The following PRKG1 variants were observed in gnomAD, a reference collection of about 807,000 sequenced individuals.
PRKG1 encodes the protein protein kinase cGMP-dependent 1.
A neutral mutation model predicts 88.1 loss-of-function variants in PRKG1; 35 were observed. That is an observed-to-expected ratio of 0.40 (90% CI 0.30 to 0.53). The LOEUF is 0.53. Among genes scored for constraint, PRKG1 ranks in the 20% least tolerant of loss-of-function variants. PRKG1 has a pLI of 0.59. For synonymous variants in PRKG1, 303 were observed against 292.5 expected (o/e 1.04, Z -0.37); for missense variants, 540 against 839.8 (o/e 0.64, Z 4.41).
chr10:51,930,529 C>T (rs1258118994), intron 5 of PRKG1, among the ~76,000 whole-genome samples: 11 of 116,118 alleles, frequency 9.5e-5, no homozygotes, highest in Admixed American at 4.6e-4. Flanking sequence ...GACAGAGTCT[C>T]GTTCAGGTTA....
At chr10:52,001,165 C>T (rs922174827) in intron 5 of PRKG1, among the ~76,000 whole-genome samples, 6 of 151,992 alleles carry the variant, frequency 3.9e-5, no homozygotes, top group Middle Eastern at 3.4e-3. Context: ...CATGTTTTTA[C>T]AAATGACAGG....
chr10:51,222,032 G>A (rs985752729), intron 2 of PRKG1, among the ~76,000 whole-genome samples: 2 of 151,580 alleles, frequency 1.3e-5, no homozygotes, highest in South Asian at 2.1e-4. Context: ...CCACCACCAC[G>A]CCTGGCTAAT....
At chr10:51,531,710 T>A (rs1842021826) in intron 3 of PRKG1, among the ~76,000 whole-genome samples, 1 of 125,794 alleles carries the variant, frequency 7.9e-6, no homozygotes, top group African/African-American at 3.0e-5. Flanking sequence ...AATGGCACAA[T>A]CTCAGCTCAC....
intron 5 of PRKG1, among the ~76,000 whole-genome samples, chr10:51,930,518 A>C (rs1198545156): frequency 1.7e-5 from 1 of 60,530 alleles, no homozygotes; most frequent in Admixed American, 2.4e-4. Flanking sequence ...TTTTTTTTTG[A>C]GACAGAGTCT....
At chr10:52,090,595 A>G (rs1254288528) in intron 7 of PRKG1, among the ~76,000 whole-genome samples, 1 of 152,192 alleles carries the variant, frequency 6.6e-6, no homozygotes, top group Non-Finnish European at 1.5e-5. Context: ...AATGAGTTCA[A>G]ACTTTAAGGT....
At chr10:51,529,612 C>G (rs1245360266) in intron 3 of PRKG1, among the ~76,000 whole-genome samples, 1 of 152,136 alleles carries the variant, frequency 6.6e-6, no homozygotes, top group Non-Finnish European at 1.5e-5. Context: ...CCACTTAGCA[C>G]TCAGGTTTCT....
intron 2 of PRKG1, among the ~76,000 whole-genome samples, chr10:51,199,002 A>G (rs545637626): frequency 6.6e-6 from 1 of 152,346 alleles, no homozygotes; most frequent in African/African-American, 2.4e-5. Context: ...CATCTTTGAT[A>G]AGAAGTGATA....
At chr10:51,035,572 G>A (rs2132751435) in intron 1 of PRKG1, among the ~76,000 whole-genome samples, 1 of 152,228 alleles carries the variant, frequency 6.6e-6, no homozygotes, top group Non-Finnish European at 1.5e-5. Context: ...CCTGCTCAAG[G>A]ACACAGAGCG....
chr10:51,160,710 G>C (rs1846336176), intron 2 of PRKG1, among the ~76,000 whole-genome samples: 1 of 152,164 alleles, frequency 6.6e-6, no homozygotes, highest in Non-Finnish European at 1.5e-5. Context: ...TTTCTTCCAT[G>C]AAAAGTCTGT....
intron 2 of PRKG1, among the ~76,000 whole-genome samples, chr10:51,310,520 G>A (rs1450471808): frequency 6.6e-6 from 1 of 152,210 alleles, no homozygotes; most frequent in African/African-American, 2.4e-5. Flanking sequence ...GATTCAGGAA[G>A]AGTTCATGGA....
At chr10:51,897,563 A>G (rs932707680) in intron 4 of PRKG1, among the ~76,000 whole-genome samples, 3 of 152,162 alleles carry the variant, frequency 2.0e-5, no homozygotes, top group Admixed American at 1.3e-4. Context: ...CAAACCCTTT[A>G]TTACTAACTT....
chr10:51,552,876 G>A (rs1252100575), intron 3 of PRKG1, among the ~76,000 whole-genome samples: 1 of 151,466 alleles, frequency 6.6e-6, no homozygotes. Flanking sequence ...CTGTCAGCAG[G>A]CAGACTATAG....
At chr10:52,241,448 G>C (rs1480939158) in intron 9 of PRKG1, among the ~76,000 whole-genome samples, 3 of 152,156 alleles carry the variant, frequency 2.0e-5, no homozygotes, top group Non-Finnish European at 4.4e-5. Flanking sequence ...GCACAAGTTG[G>C]CCTGGGGCTA....
intron 4 of PRKG1, among the ~76,000 whole-genome samples, chr10:51,842,810 G>T (rs189822794): frequency 1.3e-5 from 2 of 151,944 alleles, no homozygotes; most frequent in Non-Finnish European, 2.9e-5. Context: ...TATTATAAAA[G>T]AAATTATGCC....
rs1589463777 is a variant in PRKG1, at chr10:51,966,030, T to A, written c.762+58460T>A. ...TTATATAGTTATGCACCAAGAATAATTATTCTAATTATGTGATTTTTAGTA... is the reference window on the plus strand; with the variant it reads ...TTATATAGTTATGCACCAAGAATAAATATTCTAATTATGTGATTTTTAGTA... On this transcript the variant is annotated intron_variant, in intron 5 of 17. Transcript: ENST00000373980. 2.0e-5 allele frequency among the ~76,000 whole-genome samples: 3 copies of A among 152,260 alleles called. No individual in the cohort carries two copies. The Middle Eastern group carries it at 0.01, about 518-fold the overall frequency.
chr10:52,008,731 C>G (rs562232783), intron 5 of PRKG1, among the ~76,000 whole-genome samples: 1 of 151,978 alleles, frequency 6.6e-6, no homozygotes, highest in African/African-American at 2.4e-5. Context: ...AGTTTCCTCC[C>G]CAGTTTTTTG....
At chr10:51,493,810 A>G (rs1187763206) in intron 3 of PRKG1, among the ~76,000 whole-genome samples, 3 of 152,172 alleles carry the variant, frequency 2.0e-5, no homozygotes, top group Middle Eastern at 3.2e-3. Context: ...TAGAGAATAT[A>G]TCATCATTTG....
intron 3 of PRKG1, among the ~76,000 whole-genome samples, chr10:51,536,173 T>C (rs944063416): frequency 1.2e-4 from 18 of 152,186 alleles, no homozygotes; most frequent in African/African-American, 4.1e-4. Context: ...AAAACAGAAG[T>C]TGATGAAGTT....
At chr10:51,130,418 A>C (rs537564358) in intron 1 of PRKG1, among the ~76,000 whole-genome samples, 4 of 152,266 alleles carry the variant, frequency 2.6e-5, no homozygotes, top group Non-Finnish European at 5.9e-5. Context: ...GCATGACATA[A>C]ACAGTCTAGT....
Sources: allele counts gnomAD v4.1 joint callset (sites outside exome capture counted in the v4.1 genomes callset), GRCh38; gene constraint gnomAD v4.1.1; transcripts MANE v1.5; gene names NCBI Gene and HGNC (gene_info 2026-07-23, HGNC 2026-07-21).